Variants in TXNRD1 observed in about 807,000 individuals in gnomAD.
The protein encoded by TXNRD1 is thioredoxin reductase 1.
TXNRD1 carries 57 observed loss-of-function variants against 80.3 expected under a neutral mutation model. The observed-to-expected ratio is 0.71, with a 90% CI of 0.57 to 0.89. The LOEUF (loss-of-function observed/expected upper bound fraction) is 0.89. Ranked by LOEUF, TXNRD1 falls within the 40% of genes least tolerant of loss-of-function variation. The probability of loss-of-function intolerance (pLI) is 0.00; values close to 1 mark genes in which losing one functional copy is unlikely to be tolerated. For missense variants in TXNRD1, 730 were observed against 803.0 expected (o/e 0.91, Z 1.10); for synonymous variants, 291 against 285.2 (o/e 1.02, Z -0.20).
intron 10 of TXNRD1, among the ~76,000 whole-genome samples, chr12:104,323,640 CA>C (rs2035636011): frequency 9.9e-6 from 1 of 100,640 alleles, no homozygotes; most frequent in Non-Finnish European, 2.0e-5. Flanking sequence ...CTGACCCCCC[CA>C]CCTCCCTCCC....
intron 3 of TXNRD1, among the ~76,000 whole-genome samples, chr12:104,287,985 GTTTT>G (rs556278213): frequency 6.6e-6 from 1 of 151,744 alleles, no homozygotes; most frequent in African/African-American, 2.4e-5. Flanking sequence ...TTTTTTGTTG[GTTTT>G]TTTTGTTTGT....
At chr12:104,328,966 G>C (rs2035862540) in intron 13 of TXNRD1, among the ~76,000 whole-genome samples, 1 of 152,070 alleles carries the variant, frequency 6.6e-6, no homozygotes, top group Admixed American at 6.6e-5. Context: ...AAGAATTTTG[G>C]CATTACCCAT....
chr12:104,310,466 A>G (rs755492405), intron 4 of TXNRD1, among the ~76,000 whole-genome samples: 8 of 152,142 alleles, frequency 5.3e-5, no homozygotes, highest in Non-Finnish European at 8.8e-5. Context: ...TTTTTTGAAA[A>G]CATTTTATTG....
At chr12:104,287,427 A>T in intron 3 of TXNRD1, 1 of 1,613,742 alleles carries the variant, frequency 6.2e-7, no homozygotes, top group Non-Finnish European at 8.5e-7. Flanking sequence ...CAGCGGAGAA[A>T]ATGGGTATTG....
chr12:104,255,176 T>C (rs185458402), intron 2 of TXNRD1, among the ~76,000 whole-genome samples: 19 of 152,228 alleles, frequency 1.2e-4, no homozygotes, highest in Non-Finnish European at 1.0e-4. Flanking sequence ...TTAACCCTGC[T>C]GTAGTTCTGG....
At chr12:104,284,985 C>A (rs1156539895) in intron 3 of TXNRD1, among the ~76,000 whole-genome samples, 1 of 152,096 alleles carries the variant, frequency 6.6e-6, no homozygotes, top group East Asian at 1.9e-4. Context: ...ACCATCCTGG[C>A]CAACGTGTTG....
At chr12:104,293,113 G>A (rs545524999) in intron 4 of TXNRD1, among the ~76,000 whole-genome samples, 1 of 152,246 alleles carries the variant, frequency 6.6e-6, no homozygotes, top group African/African-American at 2.4e-5. Flanking sequence ...TTCTTATAGG[G>A]AACCTCTTTT....
intron 3 of TXNRD1, among the ~76,000 whole-genome samples, chr12:104,258,897 T>C (rs2033307907): frequency 6.6e-6 from 1 of 152,146 alleles, no homozygotes; most frequent in African/African-American, 2.4e-5. Flanking sequence ...ACCATTGCAC[T>C]CTAGCCTGGA....
At chr12:104,244,561 G>A (rs912002023) in intron 1 of TXNRD1, among the ~76,000 whole-genome samples, 2 of 152,024 alleles carry the variant, frequency 1.3e-5, no homozygotes, top group African/African-American at 2.4e-5. Flanking sequence ...CCTATATGTC[G>A]AGTTTCACAG....
At chr12:104,322,711 G>C (rs1412814627) in intron 10 of TXNRD1, among the ~76,000 whole-genome samples, 1 of 151,884 alleles carries the variant, frequency 6.6e-6, no homozygotes, top group Non-Finnish European at 1.5e-5. Flanking sequence ...AGGTATATAT[G>C]CTATATTTGC....
chr12:104,313,107 T>C, intron 5 of TXNRD1, 138 bp from the exon 6 acceptor site: 1 of 591,004 alleles, frequency 1.7e-6, no homozygotes, highest in Admixed American at 3.1e-5. Flanking sequence ...ATCATCATGG[T>C]GTGTGAAGTA....
chr12:104,304,836 G>A, intron 4 of TXNRD1: 1 of 1,613,996 alleles, frequency 6.2e-7, no homozygotes, highest in Non-Finnish European at 8.5e-7. Flanking sequence ...AGTTGCCATG[G>A]CAGGAAACAG....
At chr12:104,339,510 G>A in intron 16 of TXNRD1, 1 of 655,630 alleles carries the variant, frequency 1.5e-6, no homozygotes, top group South Asian at 1.5e-5. Flanking sequence ...ATAGAGCTGT[G>A]CCTTAAATAT....
At chr12:104,302,520 C>T (rs2034673325) in intron 4 of TXNRD1, among the ~76,000 whole-genome samples, 2 of 74,232 alleles carry the variant, frequency 2.7e-5, no homozygotes, top group African/African-American at 1.1e-4. Context: ...GACGGAGTCT[C>T]GCTCTATAGC....
At chr12:104,299,179 G>A (rs900830275) in intron 4 of TXNRD1, among the ~76,000 whole-genome samples, 1 of 151,996 alleles carries the variant, frequency 6.6e-6, no homozygotes, top group African/African-American at 2.4e-5. Context: ...GGTATAAGTG[G>A]ATCTGTGCAA....
At position 104,288,753 on chromosome 12, in the gene TXNRD1, G is replaced by C. The variant is rs187394773; in HGVS notation, c.305-178G>C. ...TTTGCCGGGGTCAGACTCCAAGCTT[G>C]ATTGTGAGTTCTAGCCTTTGTCAGA... is the stretch of plus-strand genomic sequence containing the variant. On this transcript the variant is annotated intron_variant, in intron 3 of 16. Transcript: ENST00000525566. 5.4e-6 allele frequency: 8 copies of C among 1,485,262 alleles called. No individual in the cohort carries two copies. In the African/African-American group the frequency reaches 9.8e-5, roughly 18 times the overall value. 92.0% of individuals were successfully genotyped at this position (1,485,262 alleles called of 1,614,324 possible). A position where few individuals can be genotyped will look rare whatever the true frequency, so the allele number is the denominator to read the frequency against.
At chr12:104,255,298 T>C (rs369563368) in intron 2 of TXNRD1, among the ~76,000 whole-genome samples, 1 of 152,046 alleles carries the variant, frequency 6.6e-6, no homozygotes, top group Non-Finnish European at 1.5e-5. Flanking sequence ...CTTTTCTTTT[T>C]TTTAGTCCCT....
chr12:104,339,217 GGACT>G lies in TXNRD1; in HGVS notation c.1829_1832del (p.Leu610ProfsTer24). On this transcript the variant is annotated frameshift_variant, in exon 16 of 17. Transcript: ENST00000525566. LOFTEE classifies it high-confidence loss of function. ...AGGCTTTGCAGCTGCGCTCAAATGT[GGACT>G]GACCAAAAAGCAGCTGGACAGCACA... The G allele has an allele frequency of 6.2e-7, 1 of 1,613,912 alleles. No individual in the cohort carries two copies. Among genetic ancestry groups the G allele is most frequent in the South Asian group, 1.1e-5 (1 of 91,068 alleles).
At chr12:104,226,970 G>A (rs924647963) in intron 1 of TXNRD1, among the ~76,000 whole-genome samples, 8 of 152,194 alleles carry the variant, frequency 5.3e-5, no homozygotes, top group Middle Eastern at 3.4e-3. Context: ...AGATAGTAAG[G>A]AATAACTTGC....
Sources: gnomAD v4.1 joint callset for allele counts (sites outside exome capture counted in the v4.1 genomes callset) on GRCh38, gnomAD v4.1.1 for gene constraint, MANE v1.5 for transcripts, NCBI Gene and HGNC (gene_info 2026-07-23, HGNC 2026-07-21) for gene names.